Variants in HADH observed in about 807,000 individuals in gnomAD.
HADH encodes hydroxyacyl-CoA dehydrogenase.
In HADH, 24 loss-of-function variants were observed where a neutral mutation model predicts 32.2. The ratio of observed to expected loss-of-function variants is 0.75; its 90% CI spans 0.54 to 1.05. The LOEUF (loss-of-function observed/expected upper bound fraction) is 1.05, where lower values mean the gene tolerates loss of function less well. Ranked by LOEUF, HADH falls within the 50% of genes least tolerant of loss-of-function variation. The pLI is 0.00. For missense variants in HADH, 350 were observed against 397.1 expected, an observed-to-expected ratio of 0.88 and a Z score of 1.01; for synonymous variants, 139 against 152.5, an observed-to-expected ratio of 0.91 and a Z score of 0.65.
chr4:108,009,620 G>A lies in HADH; in HGVS notation c.133-139G>A, dbSNP rs1735408730. On this transcript the variant is annotated intron_variant, in intron 1 of 7. Transcript: ENST00000309522. Reference sequence around the variant, plus strand: ...TTTAGTTAATGTTGACTTATCATATGTTCACTCGGTATTTTGAATGGAATG... The same window carrying A: ...TTTAGTTAATGTTGACTTATCATATATTCACTCGGTATTTTGAATGGAATG... The A allele has an allele frequency of 5.5e-6, 4 of 730,986 alleles. No homozygotes were observed. In the South Asian group the frequency reaches 6.2e-5, roughly 11 times the overall value. The allele number at this position is 730,986 out of a possible 1,614,324, so 45.3% of individuals were successfully genotyped here. A position where few individuals can be genotyped will look rare whatever the true frequency, so the allele number is the denominator to read the frequency against.
chr4:108,020,815 GC>G (rs778748450), intron 4 of HADH, among the ~76,000 whole-genome samples: 97 of 152,212 alleles, frequency 6.4e-4, no homozygotes, highest in Non-Finnish European at 1.6e-4. Context: ...ACACACACTG[GC>G]TGTGGCCTCT....
chr4:108,012,234 C>T (rs186324053), intron 2 of HADH, among the ~76,000 whole-genome samples: 89 of 151,854 alleles, frequency 5.9e-4, no homozygotes, highest in African/African-American at 2.0e-3. Context: ...TCCCCAATGT[C>T]TAGGTGGCCT....
chr4:108,007,578 C>G (rs145951565), intron 1 of HADH, among the ~76,000 whole-genome samples: 1 of 152,196 alleles, frequency 6.6e-6, no homozygotes, highest in African/African-American at 2.4e-5. Context: ...CATAGCCTGT[C>G]GAACCAGTCT....
At chr4:108,032,313 A>G (rs1421638019) in intron 6 of HADH, 3 of 1,560,606 alleles carry the variant, frequency 1.9e-6, no homozygotes, top group Admixed American at 3.3e-5. Flanking sequence ...TCCTTGTCGT[A>G]GTCTACTCAA....
chr4:108,009,977 CTTTTT>C, intron 2 of HADH, 90 bp downstream of exon 2: 2 of 550,004 alleles, frequency 3.6e-6, no homozygotes, highest in Non-Finnish European at 6.2e-6. Context: ...TTCTTTCTTT[CTTTTT>C]TTTTTTTTTT....
rs754639484 is a variant in HADH at position 108,014,488 on chromosome 4, G to T, written c.319G>T (p.Ala107Ser). 6.2e-7 allele frequency: 1 copy of T among 1,614,148 alleles called. No homozygotes were observed. The highest frequency in any genetic ancestry group is 8.5e-7 in the Non-Finnish European group (1 of 1,179,982). Residue 107 changes from alanine (A) to serine (S), a missense_variant, in exon 3 of 8, where the codon GCC becomes TCC. Coordinates refer to ENST00000309522, the MANE Select transcript of HADH (RefSeq NM_005327.7). ...LSTIATSTDA[A>S]SVVHSTDLVV... is the part of the protein sequence containing the mutation. ...CACCATAGCGACCAGCACGGATGCA[G>T]CCTCCGTTGTCCACAGCACAGACTT...
At chr4:108,000,770 C>T (rs1271633566) in intron 1 of HADH, among the ~76,000 whole-genome samples, 1 of 152,192 alleles carries the variant, frequency 6.6e-6, no homozygotes, top group Non-Finnish European at 1.5e-5. Flanking sequence ...GAGGAAACCA[C>T]ATGAACAAGG....
chr4:108,009,315 T>A lies in HADH; in HGVS notation c.133-444T>A, dbSNP rs1168117120. On this transcript the variant is annotated intron_variant, in intron 1 of 7. Transcript: ENST00000309522. The stretch of plus-strand genomic sequence containing the variant: ...ACAGCCTGCTGAGCACTTTGAAATA[T>A]GGCTAGTGCCACTGAGGAACTGAAT... Among the ~76,000 whole-genome samples, 3 of 152,256 alleles carry A rather than the reference T, an allele frequency of 2.0e-5. No individual in the cohort carries two copies. In the South Asian group the frequency reaches 6.2e-4, roughly 31 times the overall value.
rs559281892 is a variant in HADH at position 108,028,126 on chromosome 4, A to T, written c.709+366A>T. ...AAAATCACTAGGCTAGGAGATCTTG[A>T]AAGTTCCTTAAGGTTCTAAAACTTG... On this transcript the variant is annotated intron_variant, in intron 6 of 7. Coordinates refer to ENST00000309522, the MANE Select transcript of HADH (RefSeq NM_005327.7). 5 of 312,860 alleles carry T rather than the reference A, an allele frequency of 1.6e-5. No homozygotes were observed. The Admixed American group carries it at 2.3e-4, about 14-fold the overall frequency. The allele number at this position is 312,860 out of a possible 1,614,324, so 19.4% of individuals were successfully genotyped here.
chr4:107,991,973 A>G (rs549011651), intron 1 of HADH, among the ~76,000 whole-genome samples: 1 of 152,234 alleles, frequency 6.6e-6, no homozygotes, highest in Non-Finnish European at 1.5e-5. Flanking sequence ...GTAGAAAATC[A>G]GAGTGCTTAG....
intron 4 of HADH, among the ~76,000 whole-genome samples, chr4:108,019,903 T>C (rs2126232295): frequency 6.6e-6 from 1 of 152,332 alleles, no homozygotes; most frequent in South Asian, 2.1e-4. Flanking sequence ...CATTTACTTA[T>C]TTGTGCCAGA....
intron 3 of HADH, among the ~76,000 whole-genome samples, chr4:108,017,083 T>A (rs1052944050): frequency 6.6e-6 from 1 of 152,222 alleles, no homozygotes; most frequent in Non-Finnish European, 1.5e-5. Context: ...TTGTTTTAGA[T>A]CACCACCATT....
chr4:108,018,384 C>G (rs1735763537), intron 3 of HADH, among the ~76,000 whole-genome samples: 2 of 152,006 alleles, frequency 1.3e-5, no homozygotes, highest in Admixed American at 1.3e-4. Flanking sequence ...TGACCAAAAG[C>G]AAGAAACTTT....
intron 1 of HADH, chr4:108,004,772 A>G (rs939983649): frequency 1.3e-6 from 2 of 1,535,800 alleles, no homozygotes; most frequent in African/African-American, 1.4e-5. Context: ...CAGCTGAAGA[A>G]CATGTGTAGG....
At chr4:108,026,269 G>A (rs1308363664) in intron 5 of HADH, 1 of 152,176 alleles carries the variant, frequency 6.6e-6, no homozygotes, top group Non-Finnish European at 1.5e-5. Context: ...TTGAACTCCT[G>A]ACCTCATGAT....
intron 1 of HADH, among the ~76,000 whole-genome samples, chr4:107,993,264 G>GT (rs1190703802): frequency 6.6e-6 from 1 of 152,180 alleles, no homozygotes; most frequent in Non-Finnish European, 1.5e-5. Flanking sequence ...ATGATTCCCT[G>GT]TTTCATCTTG....
intron 1 of HADH, among the ~76,000 whole-genome samples, chr4:108,000,972 C>T (rs1458359037): frequency 6.6e-6 from 1 of 152,176 alleles, no homozygotes; most frequent in Non-Finnish European, 1.5e-5. Context: ...GATTTTAAAT[C>T]TAAGAGCAGA....
intron 1 of HADH, among the ~76,000 whole-genome samples, chr4:107,997,066 G>A (rs914879746): frequency 1.3e-5 from 2 of 152,006 alleles, no homozygotes; most frequent in Non-Finnish European, 2.9e-5. Context: ...CCAGCCCTGA[G>A]AGATGCAACT....
At chr4:108,002,776 A>G (rs1328213627) in intron 1 of HADH, among the ~76,000 whole-genome samples, 1 of 152,174 alleles carries the variant, frequency 6.6e-6, no homozygotes, top group Non-Finnish European at 1.5e-5. Flanking sequence ...TTGTTTATAC[A>G]TTACCCAGTC....
Sources: allele counts gnomAD v4.1 joint callset (sites outside exome capture counted in the v4.1 genomes callset), GRCh38; gene constraint gnomAD v4.1.1; transcripts MANE v1.5; gene names NCBI Gene and HGNC (gene_info 2026-07-23, HGNC 2026-07-21).